PLCH1: variants seen among roughly 807,000 people sequenced by gnomAD.
PLCH1 encodes the protein phospholipase C eta 1, also known as 1-phosphatidylinositol 4,5-bisphosphate phosphodiesterase eta-1.
In PLCH1, 60 loss-of-function variants were observed where a neutral mutation model predicts 126.7. That is an observed-to-expected ratio of 0.47 (90% CI 0.38 to 0.59). PLCH1 has a LOEUF of 0.59. PLCH1 is among the 20% of genes least tolerant of loss of function. The pLI is 0.00. For missense variants in PLCH1, 1,723 were observed against 2,040.0 expected (o/e 0.84, Z 2.99); for synonymous variants, 719 against 734.9 (o/e 0.98, Z 0.35).
At chr3:155,619,995 T>A (rs1371207472) in intron 2 of PLCH1, among the ~76,000 whole-genome samples, 1 of 152,246 alleles carries the variant, frequency 6.6e-6, no homozygotes, top group Admixed American at 6.5e-5. Flanking sequence ...TTTAAAAAAA[T>A]TAAATAACAT....
chr3:155,694,586 T>C (rs1745659270), intron 2 of PLCH1, among the ~76,000 whole-genome samples: 1 of 152,254 alleles, frequency 6.6e-6, no homozygotes, highest in East Asian at 1.9e-4. Context: ...TTCCCTGTTC[T>C]TCTTTTAATT....
chr3:155,500,620 A>G, intron 14 of PLCH1, 83 bp downstream of exon 14: 1 of 807,782 alleles, frequency 1.2e-6, no homozygotes, highest in Non-Finnish European at 2.1e-6. Flanking sequence ...AATTCTCTAG[A>G]CATGTACAAG....
rs546716303 is a variant in PLCH1, at chr3:155,520,258, C to T, written c.1470+3639G>A. 5.9e-5 allele frequency among the ~76,000 whole-genome samples: 9 copies of T among 152,066 alleles called. No individual in the cohort carries two copies. In the South Asian group the frequency reaches 1.0e-3, roughly 18 times the overall value. ...TCTTTGAGTGCTGGTATGTTTTAAACGAACAAGATTCATAATCCTTTTTAG... is the reference window on the plus strand; with the variant it reads ...TCTTTGAGTGCTGGTATGTTTTAAATGAACAAGATTCATAATCCTTTTTAG... On this transcript the variant is annotated intron_variant, in intron 11 of 22. Coordinates refer to ENST00000460012, the MANE Select transcript of PLCH1 (RefSeq NM_014996.4).
At chr3:155,577,044 G>A (rs1730057962) in intron 6 of PLCH1, among the ~76,000 whole-genome samples, 1 of 152,036 alleles carries the variant, frequency 6.6e-6, no homozygotes, top group South Asian at 2.1e-4. Context: ...TAATACGATG[G>A]GAAAGAAATT....
intron 10 of PLCH1, among the ~76,000 whole-genome samples, chr3:155,534,889 C>T (rs1723148321): frequency 6.6e-6 from 1 of 152,170 alleles, no homozygotes; most frequent in South Asian, 2.1e-4. Flanking sequence ...TGCCCTCTGC[C>T]ATGATTGTAA....
At chr3:155,658,917 G>A (rs1019526689) in intron 2 of PLCH1, among the ~76,000 whole-genome samples, 1 of 152,180 alleles carries the variant, frequency 6.6e-6, no homozygotes, top group East Asian at 1.9e-4. Context: ...AAGTAATTAA[G>A]AAGTTAATCT....
chr3:155,719,532 TA>T (rs923712000), intron 1 of PLCH1, among the ~76,000 whole-genome samples: 74 of 151,618 alleles, frequency 4.9e-4, no homozygotes, highest in Middle Eastern at 3.4e-3. Flanking sequence ...ATTAATTAAT[TA>T]AAAAAAAGAA....
At chr3:155,473,376 A>T (rs1410014334) in intron 21 of PLCH1, among the ~76,000 whole-genome samples, 3 of 152,220 alleles carry the variant, frequency 2.0e-5, no homozygotes, top group Admixed American at 2.0e-4. Context: ...AAGGGACGTG[A>T]AGGACCTCTT....
At chr3:155,531,884 G>A (rs1722732982) in intron 10 of PLCH1, among the ~76,000 whole-genome samples, 2 of 152,144 alleles carry the variant, frequency 1.3e-5, no homozygotes, top group African/African-American at 4.8e-5. Context: ...TTGGCTTAAC[G>A]GAATGTTGTA....
At chr3:155,620,701 G>A (rs1013062354) in intron 2 of PLCH1, among the ~76,000 whole-genome samples, 1 of 152,176 alleles carries the variant, frequency 6.6e-6, no homozygotes, top group African/African-American at 2.4e-5. Context: ...CGGCCAGACT[G>A]CCTCTCCAGA....
At chr3:155,474,018 A>C (rs1192821294) in intron 21 of PLCH1, among the ~76,000 whole-genome samples, 1 of 152,102 alleles carries the variant, frequency 6.6e-6, no homozygotes, top group Non-Finnish European at 1.5e-5. Flanking sequence ...AGGCATGGGC[A>C]AGGACTTCAT....
At chr3:155,493,279 A>G (rs1256444996) in intron 17 of PLCH1, among the ~76,000 whole-genome samples, 1 of 152,246 alleles carries the variant, frequency 6.6e-6, no homozygotes, top group Non-Finnish European at 1.5e-5. Context: ...CCTGTCAACA[A>G]CTTTTTTATC....
chr3:155,644,100 C>T (rs192838705), intron 2 of PLCH1, among the ~76,000 whole-genome samples: 6 of 152,164 alleles, frequency 3.9e-5, no homozygotes, highest in Middle Eastern at 3.4e-3. Flanking sequence ...TATCAACAGA[C>T]AGGTATACAT....
At chr3:155,487,264 A>AT (rs1715389308) in intron 21 of PLCH1, 1 of 152,244 alleles carries the variant, frequency 6.6e-6, no homozygotes, top group Non-Finnish European at 1.5e-5. Context: ...TATTATTTTT[A>AT]TCCCACATTC....
intron 18 of PLCH1, among the ~76,000 whole-genome samples, chr3:155,492,246 A>G (rs986366253): frequency 6.6e-6 from 1 of 152,194 alleles, no homozygotes; most frequent in East Asian, 1.9e-4. Flanking sequence ...CTGGAAAGAA[A>G]AAAGACTGTG....
At chr3:155,634,093 A>G (rs1179799741) in intron 2 of PLCH1, among the ~76,000 whole-genome samples, 1 of 152,232 alleles carries the variant, frequency 6.6e-6, no homozygotes, top group Admixed American at 6.5e-5. Context: ...ACGGGTGCCA[A>G]GAAAACTTGC....
chr3:155,683,903 A>C (rs1014961440), intron 2 of PLCH1, among the ~76,000 whole-genome samples: 2 of 152,188 alleles, frequency 1.3e-5, no homozygotes, highest in African/African-American at 4.8e-5. Context: ...GAGCTGGATG[A>C]CTAGAGTGGA....
intron 6 of PLCH1, among the ~76,000 whole-genome samples, chr3:155,581,934 A>G (rs938522078): frequency 6.6e-6 from 1 of 151,488 alleles, no homozygotes; most frequent in African/African-American, 2.4e-5. Context: ...TTTTTAGTAG[A>G]GACCGGGTTT....
chr3:155,727,726 G>T (rs137988742), intron 1 of PLCH1, among the ~76,000 whole-genome samples: 1 of 152,082 alleles, frequency 6.6e-6, no homozygotes, highest in African/African-American at 2.4e-5. Flanking sequence ...GCATCTTGAG[G>T]TTTTCCTGAC....
Sources: gnomAD v4.1 joint callset for allele counts (sites outside exome capture counted in the v4.1 genomes callset) on GRCh38, gnomAD v4.1.1 for gene constraint, MANE v1.5 for transcripts, NCBI Gene and HGNC (gene_info 2026-07-23, HGNC 2026-07-21) for gene names.